Variants in NXPH2 observed in about 807,000 individuals in gnomAD.
NXPH2 encodes the protein neurexophilin-2.
A neutral mutation model predicts 19.8 loss-of-function variants in NXPH2; 5 were observed. That is an observed-to-expected ratio of 0.25 (90% CI 0.13 to 0.53). The LOEUF is 0.53. Among genes scored for constraint, NXPH2 ranks in the 20% least tolerant of loss-of-function variants. The pLI is 0.96. For synonymous variants in NXPH2, 154 were observed against 127.4 expected (o/e 1.21, Z -1.41); for missense variants, 289 against 322.8 (o/e 0.90, Z 0.80).
chr2:138,707,094 C>CAAAAAAAAAAAAAAAA (rs70982073), intron 1 of NXPH2, among the ~76,000 whole-genome samples: 405 of 34,766 alleles, frequency 0.012, 61 homozygotes, highest in African/African-American at 0.028. Flanking sequence ...TGCCCCATGA[C>CAAAAAAAAAAAAAAAA]AAAAAAAAAA....
At chr2:138,718,961 G>A (rs539596033) in intron 1 of NXPH2, among the ~76,000 whole-genome samples, 4 of 152,158 alleles carry the variant, frequency 2.6e-5, no homozygotes, top group African/African-American at 7.2e-5. Context: ...TGCTAAAGTT[G>A]GGGGGTGGGG....
chr2:138,749,979 G>C (rs75740996), intron 1 of NXPH2, among the ~76,000 whole-genome samples: 1 of 152,102 alleles, frequency 6.6e-6, no homozygotes, highest in Admixed American at 6.6e-5. Context: ...CAGGTGTCCA[G>C]TCTCAAATAA....
intron 1 of NXPH2, among the ~76,000 whole-genome samples, chr2:138,750,148 A>AT (rs150226199): frequency 0.017 from 2,558 of 152,138 alleles, 27 homozygotes; most frequent in Middle Eastern, 0.058. Flanking sequence ...AATAATGCAG[A>AT]TTTTTTTTAC....
intron 1 of NXPH2, among the ~76,000 whole-genome samples, chr2:138,735,341 TG>T (rs1218262889): frequency 1.3e-5 from 2 of 152,098 alleles, no homozygotes; most frequent in African/African-American, 2.4e-5. Flanking sequence ...TCACATGGTT[TG>T]GGGAGGCCTC....
chr2:138,777,747 T>C (rs1161889480), intron 1 of NXPH2, among the ~76,000 whole-genome samples: 2 of 150,184 alleles, frequency 1.3e-5, no homozygotes, highest in Non-Finnish European at 3.0e-5. Context: ...TTTATAAGTA[T>C]GTTCTTCAGG....
chr2:138,723,634 A>T (rs1192450290), intron 1 of NXPH2, among the ~76,000 whole-genome samples: 2 of 152,246 alleles, frequency 1.3e-5, no homozygotes, highest in South Asian at 4.1e-4. Context: ...ACTGACATTT[A>T]TTGGGCCTCG....
chr2:138,686,064 C>T (rs1680646011), intron 1 of NXPH2, among the ~76,000 whole-genome samples: 1 of 152,154 alleles, frequency 6.6e-6, no homozygotes. Context: ...CTGCCTGGAC[C>T]TCTCACAACT....
At chr2:138,692,651 C>T (rs1680762271) in intron 1 of NXPH2, among the ~76,000 whole-genome samples, 3 of 152,192 alleles carry the variant, frequency 2.0e-5, no homozygotes. Flanking sequence ...AAGTTCACAA[C>T]AGGCCTCATT....
At chr2:138,762,799 A>G (rs1385165749) in intron 1 of NXPH2, among the ~76,000 whole-genome samples, 1 of 152,224 alleles carries the variant, frequency 6.6e-6, no homozygotes, top group African/African-American at 2.4e-5. Flanking sequence ...TTCAACTGAA[A>G]GTAGATCTGT....
chr2:138,709,222 G>A (rs1317824679), intron 1 of NXPH2, among the ~76,000 whole-genome samples: 7 of 151,842 alleles, frequency 4.6e-5, no homozygotes, highest in African/African-American at 1.7e-4. Flanking sequence ...AGGGAAACAG[G>A]GGCAGCTGCC....
intron 1 of NXPH2, among the ~76,000 whole-genome samples, chr2:138,732,501 G>A (rs927653723): frequency 6.6e-6 from 1 of 152,190 alleles, no homozygotes; most frequent in African/African-American, 2.4e-5. Context: ...GTCAGCCTTG[G>A]GCTGTGCACT....
intron 1 of NXPH2, among the ~76,000 whole-genome samples, chr2:138,744,410 T>C (rs1353772774): frequency 6.6e-6 from 1 of 152,124 alleles, no homozygotes; most frequent in Non-Finnish European, 1.5e-5. Context: ...TGCATTGTTA[T>C]CTTTGGTTCT....
chr2:138,718,292 G>C (rs1408794023), intron 1 of NXPH2, among the ~76,000 whole-genome samples: 2 of 151,874 alleles, frequency 1.3e-5, no homozygotes, highest in East Asian at 1.9e-4. Context: ...ATTTCTAAGA[G>C]AGAGAAAAAA....
At chr2:138,684,633 C>T (rs1349452034) in intron 1 of NXPH2, among the ~76,000 whole-genome samples, 1 of 152,172 alleles carries the variant, frequency 6.6e-6, no homozygotes, top group Non-Finnish European at 1.5e-5. Flanking sequence ...TCAATTTTAT[C>T]TAGACCTCCC....
rs756580556 is a variant in NXPH2 at position 138,767,045 on chromosome 2, C to T, written c.51+13146G>A. Among the ~76,000 whole-genome samples, 89 of 152,288 alleles carry T rather than the reference C, an allele frequency of 5.8e-4. 1 individual carries two copies. The highest frequency in any genetic ancestry group is 3.8e-3 in the Admixed American group (58 of 15,290). ...ATAAGGAACCTGGCATGCTTGCCCACTTTTACCTCTTGTATTACCTTCACC... is the reference window on the plus strand; with the variant it reads ...ATAAGGAACCTGGCATGCTTGCCCATTTTTACCTCTTGTATTACCTTCACC... On this transcript the variant is annotated intron_variant, in intron 1 of 1. Transcript: ENST00000272641.
chr2:138,780,147 A>G, intron 1 of NXPH2, 44 bp downstream of exon 1: 2 of 1,467,478 alleles, frequency 1.4e-6, no homozygotes, highest in Non-Finnish European at 1.8e-6. Flanking sequence ...TCCCGCCGAA[A>G]CGCGTCCCCG....
chr2:138,757,031 A>T (rs1266238496), intron 1 of NXPH2, among the ~76,000 whole-genome samples: 2 of 152,212 alleles, frequency 1.3e-5, no homozygotes, highest in East Asian at 3.9e-4. Flanking sequence ...AATAAAAAAG[A>T]TTTAAAATAG....
chr2:138,780,133 G>A, intron 1 of NXPH2, 58 bp downstream of exon 1: 1 of 1,454,862 alleles, frequency 6.9e-7, no homozygotes. Context: ...CGCCTGCGCG[G>A]TTTTCCCGCC....
At chr2:138,728,464 T>C (rs182529519) in intron 1 of NXPH2, among the ~76,000 whole-genome samples, 137 of 152,334 alleles carry the variant, frequency 9.0e-4, no homozygotes, top group African/African-American at 3.0e-3. Flanking sequence ...ATGTATCTGA[T>C]AAGGACTATT....
Sources: allele counts gnomAD v4.1 joint callset (sites outside exome capture counted in the v4.1 genomes callset), GRCh38; gene constraint gnomAD v4.1.1; transcripts MANE v1.5; gene names NCBI Gene and HGNC (gene_info 2026-07-23, HGNC 2026-07-21).